The following PCDHA3 variants were observed in gnomAD, a reference collection of about 807,000 sequenced individuals.
PCDHA3 encodes the protein protocadherin alpha 3.
A neutral mutation model predicts 62.2 loss-of-function variants in PCDHA3; 41 were observed. That is an observed-to-expected ratio of 0.66 (90% CI 0.51 to 0.86). PCDHA3 has a LOEUF of 0.86. Ranked by LOEUF, PCDHA3 falls within the 40% of genes least tolerant of loss-of-function variation. PCDHA3 has a pLI of 0.00. For synonymous variants in PCDHA3, 640 were observed against 555.4 expected, an observed-to-expected ratio of 1.15 and a Z score of -2.14; for missense variants, 1,304 against 1,241.2, an observed-to-expected ratio of 1.05 and a Z score of -0.76.
chr5:140,920,853 A>G (rs375783359), intron 1 of PCDHA3, among the ~76,000 whole-genome samples: 2 of 152,062 alleles, frequency 1.3e-5, no homozygotes, highest in Non-Finnish European at 2.9e-5. Context: ...AAAAAAAAAA[A>G]AAAAACAAAC....
chr5:140,808,000 A>G (rs1764079769), intron 1 of PCDHA3: 1 of 1,613,752 alleles, frequency 6.2e-7, no homozygotes, highest in Non-Finnish European at 8.5e-7. Context: ...ATTTAGACGA[A>G]GGATTGAATG....
intron 1 of PCDHA3, 23 bp downstream of exon 1, chr5:140,803,614 T>G (rs1763248657): frequency 6.2e-7 from 1 of 1,614,122 alleles, no homozygotes; most frequent in Non-Finnish European, 8.5e-7. Flanking sequence ...TATTTATTCT[T>G]TCCAAAATGT....
chr5:141,004,461 A>C (rs1160733381), intron 3 of PCDHA3, among the ~76,000 whole-genome samples: 1 of 152,216 alleles, frequency 6.6e-6, no homozygotes, highest in Non-Finnish European at 1.5e-5. Context: ...CAGGAAGCTC[A>C]GTGACATGTT....
intron 1 of PCDHA3, chr5:140,811,944 G>A (rs1554125857): frequency 1.3e-5 from 2 of 151,960 alleles, no homozygotes; most frequent in Non-Finnish European, 2.9e-5. Context: ...CTCCCATTCT[G>A]TAGGTTGCCT....
intron 1 of PCDHA3, chr5:140,841,711 GC>G (rs2150321418): frequency 1.9e-6 from 3 of 1,613,890 alleles, no homozygotes; most frequent in Non-Finnish European, 1.7e-6. Context: ...ATGACAACCC[GC>G]CAGTGTTCCG....
intron 1 of PCDHA3, chr5:140,829,800 T>A (rs2150175020): frequency 1.9e-6 from 3 of 1,613,688 alleles, no homozygotes; most frequent in East Asian, 2.2e-5. Flanking sequence ...GCGCCTCGGG[T>A]GGGTGGTACT....
In PCDHA3 at chr5:140,801,681, A is replaced by G; in HGVS notation, c.484A>G (p.Ile162Val). The change falls in exon 1 of 4, where the codon ATC (isoleucine) becomes GTC (valine). Residue 162 changes from isoleucine to valine, a missense_variant. By Grantham distance (29) the Ile-to-Val change is conservative. Transcript: ENST00000522353. ...GCTAGAGGGCGCATCAGATGCAGATATCGGAACAAATTCGTTGTTGACTTA... is the reference window on the plus strand; with the variant it reads ...GCTAGAGGGCGCATCAGATGCAGATGTCGGAACAAATTCGTTGTTGACTTA... The part of the protein sequence containing the change: ...FSLEGASDAD[I>V]GTNSLLTYSL... 12 of 1,614,248 alleles carry G rather than the reference A, an allele frequency of 7.4e-6. No individual in the cohort carries two copies. Among genetic ancestry groups the G allele is most frequent in the Non-Finnish European group, 9.3e-6 (11 of 1,180,044 alleles).
rs1554204719 is a variant in PCDHA3, at chr5:140,927,550, A to G, written c.2395-51399A>G. 4.3e-6 allele frequency: 7 copies of G among 1,614,020 alleles called. No homozygotes were observed. In the Admixed American group the frequency reaches 8.3e-5, roughly 19 times the overall value. ...TGCCCGCTCAGGAGACGCACAAGTC[A>G]CCATCATTGTGGTGGACACAAATGA... On this transcript the variant is annotated intron_variant, in intron 1 of 3. Coordinates refer to ENST00000522353, the MANE Select transcript of PCDHA3 (RefSeq NM_018906.3).
intron 1 of PCDHA3, chr5:140,841,899 A>G (rs1362176056): frequency 1.9e-6 from 3 of 1,613,740 alleles, no homozygotes; most frequent in Non-Finnish European, 2.5e-6. Context: ...AAACTGGTTG[A>G]GCTCGTATTA....
chr5:140,881,456 T>C, intron 1 of PCDHA3: 1 of 690,256 alleles, frequency 1.4e-6, no homozygotes, highest in Non-Finnish European at 1.8e-6. Context: ...TCCAAAACCT[T>C]AGAGCATTGT....
chr5:140,875,426 A>G, intron 1 of PCDHA3: 1 of 1,532,482 alleles, frequency 6.5e-7, no homozygotes, highest in Non-Finnish European at 8.7e-7. Context: ...CAGGCAAGCG[A>G]TCCCTTAAAA....
chr5:140,872,241 C>T (rs187831325), intron 1 of PCDHA3, among the ~76,000 whole-genome samples: 8 of 151,642 alleles, frequency 5.3e-5, no homozygotes, highest in Admixed American at 5.3e-4. Context: ...TGTCTTTATT[C>T]CTGTGATAAT....
chr5:140,997,107 C>T (rs1346636277), intron 3 of PCDHA3, among the ~76,000 whole-genome samples: 3 of 152,094 alleles, frequency 2.0e-5, no homozygotes, highest in African/African-American at 7.2e-5. Flanking sequence ...TCATGCACTC[C>T]TGCTCTCCCA....
chr5:140,988,675 A>C (rs574653772), intron 3 of PCDHA3, among the ~76,000 whole-genome samples: 1 of 152,228 alleles, frequency 6.6e-6, no homozygotes, highest in East Asian at 1.9e-4. Context: ...ACTCTAAGAT[A>C]ATTCTTTCCC....
intron 1 of PCDHA3, among the ~76,000 whole-genome samples, chr5:140,887,136 G>A (rs1460345753): frequency 2.2e-4 from 33 of 148,834 alleles, no homozygotes; most frequent in Middle Eastern, 3.2e-3. Context: ...TCACTCTGTC[G>A]CCCAGGCTGG....
rs529433053 is a variant in PCDHA3 at position 140,985,961 on chromosome 5, A to C, written c.2542+3398A>C. Among the ~76,000 whole-genome samples, 18 of 151,982 alleles carry C rather than the reference A, an allele frequency of 1.2e-4. 1 individual carries two copies. In the South Asian group the frequency reaches 3.3e-3, roughly 28 times the overall value. On this transcript the variant is annotated intron_variant, in intron 3 of 3. Transcript: ENST00000522353. Reference sequence around the variant, plus strand: ...TCACTGTGTTAGCCAGGATGGTCTCAATCTCCTGACCTCGTGATCCGCCCA... The same window carrying C: ...TCACTGTGTTAGCCAGGATGGTCTCCATCTCCTGACCTCGTGATCCGCCCA...
In PCDHA3 at chr5:140,843,124, G is replaced by C. The variant is rs200664126; in HGVS notation, c.2394+39533G>C. 20 of 1,595,754 alleles carry C rather than the reference G, an allele frequency of 1.3e-5. 2 individuals are homozygous for C. Among genetic ancestry groups the C allele is most frequent in the South Asian group, 7.7e-5 (7 of 90,518 alleles). On this transcript the variant is annotated intron_variant, in intron 1 of 3. Transcript: ENST00000522353. ...AGGTGCGCGCAGTGGACGCCGACTC[G>C]GGCTACAACGCGTGGCTTTCGTATG...
intron 1 of PCDHA3, chr5:140,822,764 C>A (rs1767428051): frequency 2.5e-6 from 4 of 1,613,898 alleles, no homozygotes; most frequent in Non-Finnish European, 1.7e-6. Context: ...TTCCCATTAT[C>A]AGGACACTGT....
chr5:140,998,438 A>T (rs114296649), intron 3 of PCDHA3, among the ~76,000 whole-genome samples: 1,585 of 152,188 alleles, frequency 0.01, 12 homozygotes, highest in Middle Eastern at 0.058. Flanking sequence ...TAACACTATT[A>T]TTGTATTTAT....
Sources: allele counts gnomAD v4.1 joint callset (sites outside exome capture counted in the v4.1 genomes callset), GRCh38; gene constraint gnomAD v4.1.1; transcripts MANE v1.5; gene names NCBI Gene and HGNC (gene_info 2026-07-23, HGNC 2026-07-21).